Variants in SNX24 observed in about 807,000 individuals in gnomAD.
SNX24 encodes sorting nexin 24.
SNX24 carries 22 observed loss-of-function variants against 28.7 expected under a neutral mutation model. The ratio of observed to expected loss-of-function variants is 0.77; its 90% CI spans 0.55 to 1.10. The LOEUF (loss-of-function observed/expected upper bound fraction) is 1.10, where lower values mean the gene tolerates loss of function less well. SNX24 is among the 50% of genes least tolerant of loss of function. The pLI, the probability that SNX24 is intolerant of heterozygous loss-of-function variation, is 0.00. For missense variants in SNX24, 221 were observed against 201.1 expected, an observed-to-expected ratio of 1.10 and a Z score of -0.60; for synonymous variants, 69 against 71.5, an observed-to-expected ratio of 0.96 and a Z score of 0.18.
chr5:123,010,851 A>AT (rs202153061), downstream of SNX24, among the ~76,000 whole-genome samples: 3,945 of 141,066 alleles, frequency 0.028, 88 homozygotes, highest in Non-Finnish European at 0.041. Context: ...ATTGCTTTCT[A>AT]TTTTTTTTTA....
chr5:123,018,069 A>G, intron 5 of SNX24, among the ~76,000 whole-genome samples: 1 of 152,000 alleles, frequency 6.6e-6, no homozygotes, highest in East Asian at 1.9e-4. Context: ...CCAGGGCCAT[A>G]AGCAGGTACA....
intron 1 of SNX24, among the ~76,000 whole-genome samples, chr5:122,900,710 A>G (rs749200923): frequency 3.3e-5 from 5 of 152,134 alleles, no homozygotes; most frequent in Non-Finnish European, 5.9e-5. Flanking sequence ...TCAAGCCTGC[A>G]GTGAGCTGAG....
chr5:122,959,709 A>T (rs1215120993), intron 3 of SNX24, among the ~76,000 whole-genome samples: 7 of 151,964 alleles, frequency 4.6e-5, no homozygotes. Context: ...GATTGCATTA[A>T]TTTAGGTTAC....
intron 1 of SNX24, among the ~76,000 whole-genome samples, chr5:122,890,508 G>T: frequency 6.9e-6 from 1 of 145,578 alleles, no homozygotes; most frequent in Non-Finnish European, 1.5e-5. Context: ...CTCACTCTGT[G>T]GCCCAGGCTG....
rs1762473277 is a variant in SNX24 at position 123,007,927 on chromosome 5, T to C, written c.*178T>C. On this transcript the variant is annotated 3_prime_UTR_variant, in exon 7 of 7. Coordinates refer to ENST00000261369, the MANE Select transcript of SNX24 (RefSeq NM_014035.4). ...TCCATTAGAATGGTGCTCTTAAAAA[T>C]AGAAACTGAACCGGGGCGGTGGTCA... 5.0e-6 allele frequency: 7 copies of C among 1,407,448 alleles called. No homozygotes were observed. The highest frequency in any genetic ancestry group is 4.6e-5 in the South Asian group (3 of 65,624). The allele number at this position is 1,407,448 out of a possible 1,614,324, so 87.2% of individuals were successfully genotyped here.
At chr5:122,924,425 T>C (rs968493072) in intron 1 of SNX24, among the ~76,000 whole-genome samples, 16 of 152,204 alleles carry the variant, frequency 1.1e-4, no homozygotes, top group African/African-American at 3.9e-4. Flanking sequence ...GCAGACATCG[T>C]AAAGCTGCCA....
intron 3 of SNX24, among the ~76,000 whole-genome samples, chr5:122,974,724 C>G (rs1761098331): frequency 6.8e-6 from 1 of 146,522 alleles, no homozygotes; most frequent in Admixed American, 6.8e-5. Flanking sequence ...GGAAATCACC[C>G]CTGCATCTCT....
At chr5:122,932,858 C>CAA (rs57930558) in intron 1 of SNX24, among the ~76,000 whole-genome samples, 3 of 88,008 alleles carry the variant, frequency 3.4e-5, no homozygotes, top group Admixed American at 2.5e-4. Context: ...GACTCTGTCT[C>CAA]AAAAAAAAAA....
chr5:122,873,444 A>T (rs1045552581), intron 1 of SNX24, among the ~76,000 whole-genome samples: 1 of 151,936 alleles, frequency 6.6e-6, no homozygotes, highest in Non-Finnish European at 1.5e-5. Context: ...AGTTTATGTG[A>T]TTTGCTGTGA....
intron 1 of SNX24, among the ~76,000 whole-genome samples, chr5:122,861,585 A>T (rs1200656259): frequency 6.6e-6 from 1 of 152,160 alleles, no homozygotes; most frequent in African/African-American, 2.4e-5. Context: ...GAAACTTTAG[A>T]AGGAGCAGAA....
At chr5:122,850,790 TAAAA>T (rs151007728) in intron 1 of SNX24, among the ~76,000 whole-genome samples, 43 of 137,280 alleles carry the variant, frequency 3.1e-4, no homozygotes, top group Middle Eastern at 3.7e-3. Flanking sequence ...GCATAAAAGT[TAAAA>T]AAAAAAAAAA....
chr5:122,994,024 T>C (rs138201777), intron 3 of SNX24, among the ~76,000 whole-genome samples: 1 of 152,120 alleles, frequency 6.6e-6, no homozygotes, highest in Non-Finnish European at 1.5e-5. Flanking sequence ...ACAACCCTGA[T>C]AGACAATGGA....
intron 1 of SNX24, among the ~76,000 whole-genome samples, chr5:122,929,822 T>TC (rs1758871655): frequency 6.6e-6 from 1 of 152,170 alleles, no homozygotes. Context: ...AGGTTTTTTT[T>TC]CTCTACTTTG....
intron 6 of SNX24, among the ~76,000 whole-genome samples, chr5:123,003,745 G>A (rs1762326999): frequency 1.3e-5 from 2 of 152,182 alleles, no homozygotes; most frequent in African/African-American, 4.8e-5. Context: ...AAACATCAGG[G>A]GTAAATGTCT....
chr5:122,870,270 TTG>T (rs1254961834), intron 1 of SNX24, among the ~76,000 whole-genome samples: 1 of 152,202 alleles, frequency 6.6e-6, no homozygotes, highest in Non-Finnish European at 1.5e-5. Context: ...GGATAATCTT[TTG>T]AGCTTTGCAT....
chr5:123,026,349 G>C (rs1222407968), intron 5 of SNX24, among the ~76,000 whole-genome samples: 1 of 152,088 alleles, frequency 6.6e-6, no homozygotes, highest in Non-Finnish European at 1.5e-5. Flanking sequence ...CTGTGCACCT[G>C]TTTCCTGAGG....
At chr5:122,974,669 T>C (rs1461660161) in intron 3 of SNX24, among the ~76,000 whole-genome samples, 1 of 152,230 alleles carries the variant, frequency 6.6e-6, no homozygotes, top group Non-Finnish European at 1.5e-5. Flanking sequence ...AAAATCCATC[T>C]GTCTTCTGCA....
intron 3 of SNX24, among the ~76,000 whole-genome samples, chr5:122,953,927 G>A (rs1015187728): frequency 1.3e-5 from 2 of 152,096 alleles, no homozygotes; most frequent in East Asian, 1.9e-4. Flanking sequence ...GAACACTTCC[G>A]AAGCTAGAGT....
chr5:123,000,190 A>G (rs1404196699), intron 4 of SNX24, among the ~76,000 whole-genome samples, 184 bp downstream of exon 4: 5 of 152,208 alleles, frequency 3.3e-5, no homozygotes, highest in Non-Finnish European at 5.9e-5. Context: ...CCTTATGCCC[A>G]TCTTGCGGCC....
Sources: allele counts gnomAD v4.1 joint callset (sites outside exome capture counted in the v4.1 genomes callset), GRCh38; gene constraint gnomAD v4.1.1; transcripts MANE v1.5; gene names NCBI Gene and HGNC (gene_info 2026-07-23, HGNC 2026-07-21).